Variants in ANXA8 observed in about 807,000 individuals in gnomAD.
ANXA8 encodes VAC-beta.
A neutral mutation model predicts 26.8 loss-of-function variants in ANXA8; 9 were observed. That is an observed-to-expected ratio of 0.34 (90% CI 0.20 to 0.59). The LOEUF (loss-of-function observed/expected upper bound fraction) is 0.59. ANXA8 is among the 20% of genes least tolerant of loss of function. The pLI is 0.84. For missense variants in ANXA8, 83 were observed against 238.5 expected (o/e 0.35, Z 4.29); for synonymous variants, 39 against 94.8 (o/e 0.41, Z 3.42).
At chr10:47,650,762 G>A in the ANXA8 span, among the ~76,000 whole-genome samples, 6 of 145,940 alleles carry the variant, frequency 4.1e-5, no homozygotes, top group African/African-American at 5.3e-5. Flanking sequence ...AGTGGAGATC[G>A]CACCACTGCA....
chr10:47,572,875 T>G, the ANXA8 span, among the ~76,000 whole-genome samples: 34 of 151,752 alleles, frequency 2.2e-4, no homozygotes, highest in African/African-American at 6.8e-4. Flanking sequence ...TGAAGCTGTT[T>G]CATGTTTAAC....
the ANXA8 span, among the ~76,000 whole-genome samples, chr10:47,623,863 C>CTT: frequency 1.1e-5 from 1 of 90,612 alleles, no homozygotes; most frequent in Non-Finnish European, 2.3e-5. Flanking sequence ...GGTCTCCCTT[C>CTT]TTTTTTTTTT....
chr10:47,694,473 T>C, the ANXA8 span, among the ~76,000 whole-genome samples: 15 of 144,064 alleles, frequency 1.0e-4, no homozygotes, highest in Non-Finnish European at 7.5e-5. Context: ...CAGGCTGGAG[T>C]GCAGTGGCGT....
chr10:47,743,343 T>TAC, the ANXA8 span, among the ~76,000 whole-genome samples: 1 of 14,766 alleles, frequency 6.8e-5, no homozygotes, highest in African/African-American at 1.5e-4. Flanking sequence ...TATATATACA[T>TAC]ATATATATAT....
At chr10:47,498,962 C>T in the ANXA8 span, among the ~76,000 whole-genome samples, 4 of 135,730 alleles carry the variant, frequency 2.9e-5, no homozygotes, top group African/African-American at 1.3e-4. Context: ...ATTAGCCAGG[C>T]GTGGTGGCAG....
chr10:47,562,870 C>T, the ANXA8 span, among the ~76,000 whole-genome samples: 1 of 150,910 alleles, frequency 6.6e-6, no homozygotes, highest in Non-Finnish European at 1.5e-5. Context: ...AAGCCAAAAC[C>T]TCAGTTTAGA....
the ANXA8 span, among the ~76,000 whole-genome samples, chr10:47,946,446 A>G: frequency 1.3e-5 from 2 of 150,450 alleles, 1 homozygote; most frequent in South Asian, 4.2e-4. Context: ...CTTATTCCCA[A>G]CATCAAGGCC....
chr10:47,770,056 A>C, the ANXA8 span, among the ~76,000 whole-genome samples: 1 of 145,432 alleles, frequency 6.9e-6, no homozygotes, highest in Non-Finnish European at 1.5e-5. Context: ...AAACTACCAG[A>C]TCTTGCCTGA....
chr10:47,748,637 C>T, the ANXA8 span, among the ~76,000 whole-genome samples: 1 of 152,214 alleles, frequency 6.6e-6, no homozygotes, highest in Non-Finnish European at 1.5e-5. Flanking sequence ...TCCCTCTCTC[C>T]TCCTTCCTGC....
At chr10:47,671,391 C>T in the ANXA8 span, among the ~76,000 whole-genome samples, 1 of 151,884 alleles carries the variant, frequency 6.6e-6, no homozygotes, top group Admixed American at 6.6e-5. Flanking sequence ...CACTGCACTC[C>T]AGCCTGGGCA....
the ANXA8 span, among the ~76,000 whole-genome samples, chr10:47,743,297 C>T: frequency 5.1e-3 from 293 of 56,996 alleles, 9 homozygotes; most frequent in African/African-American, 0.01. Context: ...TATATATACA[C>T]ATATATATAT....
At chr10:47,707,830 A>G in the ANXA8 span, among the ~76,000 whole-genome samples, 1 of 132,324 alleles carries the variant, frequency 7.6e-6, no homozygotes. Context: ...AAAGAAGTTA[A>G]AACTGAACTA....
chr10:47,953,818 T>C, the ANXA8 span, among the ~76,000 whole-genome samples: 3 of 150,862 alleles, frequency 2.0e-5, no homozygotes, highest in Admixed American at 2.0e-4. Flanking sequence ...TTGTCAGAGA[T>C]ATGCAAATCA....
At chr10:47,522,185 G>A in the ANXA8 span, among the ~76,000 whole-genome samples, 5 of 141,374 alleles carry the variant, frequency 3.5e-5, 1 homozygote, top group East Asian at 1.4e-3. Context: ...AGGGAAGTCT[G>A]ACATTTTAAC....
the ANXA8 span, among the ~76,000 whole-genome samples, chr10:47,533,204 C>CACAT: frequency 3.5e-4 from 49 of 140,710 alleles, no homozygotes; most frequent in South Asian, 0.011. Flanking sequence ...CACACACACA[C>CACAT]ACACACACAC....
chr10:47,775,933 A>G, the ANXA8 span, among the ~76,000 whole-genome samples: 1 of 151,230 alleles, frequency 6.6e-6, no homozygotes, highest in Non-Finnish European at 1.5e-5. Flanking sequence ...GGAAGTTGAG[A>G]AACAGGGCAG....
the ANXA8 span, chr10:47,986,119 G>A: frequency 5.3e-5 from 8 of 149,822 alleles, no homozygotes; most frequent in East Asian, 1.4e-3. Context: ...ACCTAAGGAT[G>A]GACTCGCTGG....
chr10:47,939,114 C>G, the ANXA8 span, among the ~76,000 whole-genome samples: 1 of 145,730 alleles, frequency 6.9e-6, no homozygotes, highest in African/African-American at 2.7e-5. Context: ...ACTGCTGAAA[C>G]TGCTCTGCAT....
At chr10:47,648,047 T>A in the ANXA8 span, among the ~76,000 whole-genome samples, 1 of 152,008 alleles carries the variant, frequency 6.6e-6, no homozygotes, top group East Asian at 1.9e-4. Flanking sequence ...GGGAGAGATA[T>A]GTTCCAACTG....
Sources: gnomAD v4.1 joint callset for allele counts (sites outside exome capture counted in the v4.1 genomes callset) on GRCh38, gnomAD v4.1.1 for gene constraint, MANE v1.5 for transcripts, NCBI Gene and HGNC (gene_info 2026-07-23, HGNC 2026-07-21) for gene names.